Variants in RARB observed in about 807,000 individuals in gnomAD.
RARB encodes the protein retinoic acid receptor beta, also known as HBV-activated protein.
RARB carries 17 observed loss-of-function variants against 51.9 expected under a neutral mutation model. The observed-to-expected ratio is 0.33, with a 90% CI of 0.22 to 0.49. The LOEUF is 0.49. RARB is among the 20% of genes least tolerant of loss of function. The pLI, the probability that RARB is intolerant of heterozygous loss-of-function variation, is 0.99. For missense variants in RARB, 369 were observed against 550.8 expected, an observed-to-expected ratio of 0.67 and a Z score of 3.30; for synonymous variants, 215 against 195.4, an observed-to-expected ratio of 1.10 and a Z score of -0.84.
At chr3:24,932,258 A>G (rs1204248532) in intron 2 of RARB, among the ~76,000 whole-genome samples, 1 of 152,030 alleles carries the variant, frequency 6.6e-6, no homozygotes, top group African/African-American at 2.4e-5. Context: ...TAACTCCAAA[A>G]GTATCTTGAA....
intron 5 of RARB, among the ~76,000 whole-genome samples, chr3:25,382,699 T>C (rs965736703): frequency 6.6e-6 from 1 of 151,974 alleles, no homozygotes; most frequent in African/African-American, 2.4e-5. Context: ...CTACTAAAAA[T>C]ACAAAAGAAT....
At chr3:25,224,021 G>C (rs985512579) in intron 5 of RARB, among the ~76,000 whole-genome samples, 2 of 152,106 alleles carry the variant, frequency 1.3e-5, no homozygotes, top group Admixed American at 6.5e-5. Flanking sequence ...GCATAATCAA[G>C]AAATGGTACA....
chr3:25,572,292 T>C (rs960467889), intron 4 of RARB, among the ~76,000 whole-genome samples: 3 of 152,218 alleles, frequency 2.0e-5, no homozygotes, highest in Non-Finnish European at 2.9e-5. Flanking sequence ...AAAATCTTTA[T>C]TATTATCATT....
At chr3:24,953,915 C>G (rs1250322001) in intron 2 of RARB, among the ~76,000 whole-genome samples, 3 of 152,164 alleles carry the variant, frequency 2.0e-5, no homozygotes, top group Admixed American at 1.3e-4. Flanking sequence ...CACAGGACCA[C>G]TAGGGTTTCT....
chr3:25,216,046 G>T (rs1701825894), intron 5 of RARB, among the ~76,000 whole-genome samples: 1 of 152,178 alleles, frequency 6.6e-6, no homozygotes, highest in East Asian at 1.9e-4. Flanking sequence ...TTAAAAATAT[G>T]TGCTTGAAGC....
At chr3:25,213,998 T>A (rs1424258755) in intron 5 of RARB, among the ~76,000 whole-genome samples, 3 of 152,174 alleles carry the variant, frequency 2.0e-5, no homozygotes, top group Non-Finnish European at 4.4e-5. Context: ...AGTAAAAAAA[T>A]AATCCAGAGA....
intron 2 of RARB, among the ~76,000 whole-genome samples, chr3:25,044,846 T>C (rs535384447): frequency 4.5e-4 from 68 of 152,320 alleles, no homozygotes; most frequent in Non-Finnish European, 9.0e-4. Flanking sequence ...TACTGGAATC[T>C]TTGAACCATT....
intron 5 of RARB, among the ~76,000 whole-genome samples, chr3:25,369,644 C>T (rs574251611): frequency 6.6e-6 from 1 of 152,252 alleles, no homozygotes; most frequent in Admixed American, 6.5e-5. Context: ...CTTTCATGGC[C>T]AGGCGCGGTG....
chr3:25,505,651 G>A (rs1400692442), intron 3 of RARB, among the ~76,000 whole-genome samples: 1 of 151,390 alleles, frequency 6.6e-6, no homozygotes, highest in Non-Finnish European at 1.5e-5. Flanking sequence ...GTCTGTCAAA[G>A]CATAGAATAA....
At chr3:25,418,481 T>C (rs916081726) in intron 5 of RARB, among the ~76,000 whole-genome samples, 1 of 152,050 alleles carries the variant, frequency 6.6e-6, no homozygotes, top group Non-Finnish European at 1.5e-5. Context: ...CTCAGAAGGA[T>C]TATGAATTTA....
intron 5 of RARB, among the ~76,000 whole-genome samples, chr3:25,237,249 C>T (rs1374741023): frequency 6.6e-6 from 1 of 152,092 alleles, no homozygotes; most frequent in African/African-American, 2.4e-5. Context: ...GAGATGATCT[C>T]ATTAAAAGTT....
At chr3:25,558,405 C>G (rs1700141404) in intron 3 of RARB, among the ~76,000 whole-genome samples, 1 of 152,124 alleles carries the variant, frequency 6.6e-6, no homozygotes, top group Non-Finnish European at 1.5e-5. Context: ...GCTTCAAATT[C>G]TTTTCTCCAT....
rs759589176 is a variant in RARB, at chr3:25,007,592, C to CAAAA, written c.-379-52524_-379-52521dup. ...CCTGGGCAACAGAGTGAGACTGTCT[C>CAAAA]AAAAAAAAAAAACAAAAAAACCTCA... On this transcript the variant is annotated intron_variant, in intron 2 of 11. Transcript: ENST00000383772. Among the ~76,000 whole-genome samples the CAAAA allele has an allele frequency of 1.6e-3, 72 of 45,352 alleles. 6 individuals carry two copies. Among genetic ancestry groups the CAAAA allele is most frequent in the African/African-American group, 6.2e-3 (59 of 9,456 alleles). The allele number at this position is 45,352 out of a possible 152,430, so 29.8% of individuals were successfully genotyped here.
At chr3:24,937,617 A>G (rs1335002184) in intron 2 of RARB, among the ~76,000 whole-genome samples, 1 of 151,960 alleles carries the variant, frequency 6.6e-6, no homozygotes, top group East Asian at 1.9e-4. Context: ...AAAGGCCCTC[A>G]TTTTTCTGTG....
intron 5 of RARB, among the ~76,000 whole-genome samples, chr3:25,380,914 A>G (rs1164425582): frequency 1.3e-5 from 2 of 151,970 alleles, no homozygotes; most frequent in African/African-American, 4.8e-5. Flanking sequence ...TTTAGTTTTT[A>G]TATTTTTCTC....
chr3:25,576,729 C>T (rs1450960636), intron 4 of RARB, among the ~76,000 whole-genome samples: 7 of 152,326 alleles, frequency 4.6e-5, no homozygotes, highest in African/African-American at 1.4e-4. Context: ...GAAGCCCTCT[C>T]TAGCCACAGG....
chr3:25,386,595 C>CA (rs1462140485), intron 5 of RARB, among the ~76,000 whole-genome samples: 4 of 152,180 alleles, frequency 2.6e-5, no homozygotes, highest in African/African-American at 9.7e-5. Flanking sequence ...CTTGGGCCTT[C>CA]ATATAGGGCT....
chr3:25,061,995 G>C (rs1698559979), intron 3 of RARB, among the ~76,000 whole-genome samples: 1 of 151,668 alleles, frequency 6.6e-6, no homozygotes, highest in Non-Finnish European at 1.5e-5. Flanking sequence ...AATAAAAGTG[G>C]TTTTCAACTT....
At chr3:24,869,675 G>A (rs1019218168) in intron 2 of RARB, among the ~76,000 whole-genome samples, 11 of 152,156 alleles carry the variant, frequency 7.2e-5, no homozygotes, top group South Asian at 2.1e-4. Context: ...CAGACATAGC[G>A]TAGCACATTC....
Sources: gnomAD v4.1 joint callset for allele counts (sites outside exome capture counted in the v4.1 genomes callset) on GRCh38, gnomAD v4.1.1 for gene constraint, MANE v1.5 for transcripts, NCBI Gene and HGNC (gene_info 2026-07-23, HGNC 2026-07-21) for gene names.